Variants in SLC2A5 observed in about 807,000 individuals in gnomAD.
SLC2A5 encodes solute carrier family 2, facilitated glucose transporter member 5.
In SLC2A5, 56 loss-of-function variants were observed where a neutral mutation model predicts 50.3. The ratio of observed to expected loss-of-function variants is 1.11; its 90% CI spans 0.90 to 1.39. SLC2A5 has a LOEUF of 1.39. Ranked by LOEUF, SLC2A5 falls within the 40% of genes most tolerant of loss-of-function variation. The probability of loss-of-function intolerance (pLI) is 0.00; values close to 1 mark genes in which losing one functional copy is unlikely to be tolerated. For synonymous variants in SLC2A5, 269 were observed against 281.9 expected (o/e 0.95, Z 0.46); for missense variants, 566 against 650.1 (o/e 0.87, Z 1.41).
chr1:9,061,423 G>A (rs1641941948), intron 1 of SLC2A5, among the ~76,000 whole-genome samples: 1 of 99,516 alleles, frequency 1.0e-5, no homozygotes, highest in Non-Finnish European at 2.1e-5. Context: ...GGCAACATAG[G>A]GAAATCCTGT....
At chr1:9,047,578 A>G in intron 4 of SLC2A5, 32 bp downstream of exon 4, 1 of 1,607,382 alleles carries the variant, frequency 6.2e-7, no homozygotes, top group Non-Finnish European at 8.5e-7. Context: ...GACGACCCTC[A>G]CAGAATGGCA....
At chr1:9,079,487 T>C (rs942069704) in intron 2 of SLC2A5, among the ~76,000 whole-genome samples, 3 of 152,166 alleles carry the variant, frequency 2.0e-5, no homozygotes, top group Non-Finnish European at 4.4e-5. Context: ...ATTTTTGATT[T>C]ATTTCTTTAT....
At chr1:9,067,568 G>T (rs953660556) in intron 1 of SLC2A5, among the ~76,000 whole-genome samples, 1 of 152,104 alleles carries the variant, frequency 6.6e-6, no homozygotes, top group Non-Finnish European at 1.5e-5. Flanking sequence ...CATCACCTCC[G>T]TTTCTTTTCT....
At position 9,039,905 on chromosome 1, in the gene SLC2A5, C is replaced by G. The variant is rs1488557990; in HGVS notation, c.780G>C (p.Ala260=). The G allele has an allele frequency of 1.2e-6, 2 of 1,612,872 alleles. No individual in the cohort carries two copies. Among genetic ancestry groups the G allele is most frequent in the Non-Finnish European group, 1.7e-6 (2 of 1,179,860 alleles). ...ACAGCTTCAGCACGGAGATGAAGCC[C>G]GCGGCCTTCTCTGCCTCATCCTCCT... ...IRQEDEAEKA[A]GFISVLKLFR... is the part of the protein sequence containing the mutation. The change falls in exon 7 of 12, where the codon GCG becomes GCC. Residue 260 remains alanine, a synonymous_variant. Transcript: ENST00000377424.
At chr1:9,071,674 CG>C (rs1642213890), upstream of SLC2A5, 1 of 152,282 alleles carries the variant, frequency 6.6e-6, no homozygotes, top group Admixed American at 6.5e-5. Flanking sequence ...CCGCAGTACC[CG>C]GTTCCTGCCA....
chr1:9,070,655 T>C (rs3753272), upstream of SLC2A5, among the ~76,000 whole-genome samples: 2,236 of 152,258 alleles, frequency 0.015, 28 homozygotes, highest in South Asian at 0.051. Context: ...TTACAGAACA[T>C]ACTCCCAGTT....
At chr1:9,059,536 C>CTTTTTTT (rs58395185) in intron 1 of SLC2A5, among the ~76,000 whole-genome samples, 2,693 of 98,322 alleles carry the variant, frequency 0.027, 241 homozygotes, top group African/African-American at 0.052. Flanking sequence ...TACAGAGAAT[C>CTTTTTTT]TTTTTTTTTT....
chr1:9,048,517 AT>A (rs1449771638), intron 3 of SLC2A5, among the ~76,000 whole-genome samples: 1 of 152,150 alleles, frequency 6.6e-6, no homozygotes, highest in Non-Finnish European at 1.5e-5. Context: ...ACCTCAAAAA[AT>A]AAATAAATAA....
Position 9,078,690 on chromosome 1 carries a change from T to C in SLC2A5, c.-59+6324A>G, listed in dbSNP as rs150830410. Among the ~76,000 whole-genome samples, 911 of 152,324 alleles carry C rather than the reference T, an allele frequency of 6.0e-3. 6 individuals are homozygous for C. Among genetic ancestry groups the C allele is most frequent in the African/African-American group, 0.021 (854 of 41,564 alleles). On this transcript the variant is annotated intron_variant, in intron 2 of 5. Transcript: ENST00000464985. The stretch of plus-strand genomic sequence containing the variant: ...CCACACTACATTGTTCTTTGTACCA[T>C]GAATTCCAAAACCCTGAAGAAAATG...
At chr1:9,093,881 G>A in the SLC2A5 span, among the ~76,000 whole-genome samples, 1 of 152,112 alleles carries the variant, frequency 6.6e-6, no homozygotes, top group Non-Finnish European at 1.5e-5. Flanking sequence ...ACTCCAAAAA[G>A]GAGCTTCGTT....
intron 3 of SLC2A5, among the ~76,000 whole-genome samples, chr1:9,050,624 C>T (rs562493869): frequency 4.5e-4 from 69 of 151,964 alleles, no homozygotes; most frequent in African/African-American, 1.4e-3. Context: ...TAGAAGATAG[C>T]TTAGGAAAAA....
rs754664572 is a variant in SLC2A5, at chr1:9,039,586, G to A, written c.962C>T (p.Thr321Ile). Residue 321 changes from threonine to isoleucine, a missense_variant, in exon 8 of 12, where the codon ACC becomes ATC. Thr to Ile is a moderately conservative substitution (Grantham distance 89). Transcript: ENST00000377424. ...EEHVQYVTAG[T>I]GAVNVVMTFC... ...GGTCATGACCACGTTCACGGCCCCG[G>A]TGCCGGCCGTCACGTACTGCACGTG... 1.9e-6 allele frequency: 3 copies of A among 1,575,752 alleles called. No homozygotes were observed. Among genetic ancestry groups the A allele is most frequent in the Non-Finnish European group, 2.6e-6 (3 of 1,161,758 alleles).
intron 3 of SLC2A5, among the ~76,000 whole-genome samples, chr1:9,056,861 A>AC (rs1481406994): frequency 6.6e-6 from 1 of 152,190 alleles, no homozygotes; most frequent in African/African-American, 2.4e-5. Flanking sequence ...CTGGGTCTCC[A>AC]CAAGCACACA....
intron 2 of SLC2A5, among the ~76,000 whole-genome samples, chr1:9,080,651 A>G (rs557188541): frequency 1.3e-5 from 2 of 152,228 alleles, no homozygotes; most frequent in Non-Finnish European, 2.9e-5. Context: ...TGTCTATTCA[A>G]GTTCTTTCCT....
At chr1:9,038,751 G>A (rs1206101815) in intron 9 of SLC2A5, 77 bp downstream of exon 9, 2 of 1,492,182 alleles carry the variant, frequency 1.3e-6, no homozygotes, top group East Asian at 5.0e-5. Flanking sequence ...TTTTAAGGCA[G>A]GTGGAGGCGC....
In SLC2A5 at chr1:9,039,592, G is replaced by A; in HGVS notation, c.956C>T (p.Ala319Val). The A allele has an allele frequency of 6.3e-7, 1 of 1,575,724 alleles. No homozygotes were observed. Among genetic ancestry groups the A allele is most frequent in the East Asian group, 2.4e-5 (1 of 42,174 alleles). Residue 319 changes from alanine (A) to valine (V), a missense_variant, in exon 8 of 12, where the codon GCC becomes GTC. Coordinates refer to ENST00000377424, the MANE Select transcript of SLC2A5 (RefSeq NM_003039.3). ...VPEEHVQYVT[A>V]GTGAVNVVMT... ...GACCACGTTCACGGCCCCGGTGCCG[G>A]CCGTCACGTACTGCACGTGCTCCTC...
In SLC2A5 at chr1:9,037,718, C is replaced by T; in HGVS notation, c.1374G>A (p.Leu458=). The T allele has an allele frequency of 6.2e-7, 1 of 1,614,154 alleles. No homozygotes were observed. Among genetic ancestry groups the T allele is most frequent in the Non-Finnish European group, 8.5e-7 (1 of 1,180,032 alleles). ...TCTTGGCCTTGGTCTCCGGGACAATCAAGAAGATGTAGATGGTGGTGAGGA... is the reference window on the plus strand; with the variant it reads ...TCTTGGCCTTGGTCTCCGGGACAATTAAGAAGATGTAGATGGTGGTGAGGA... ...ICLLTTIYIF[L]IVPETKAKTF... is the part of the protein sequence containing the mutation. The change falls in exon 12 of 12, where the codon TTG becomes TTA. Residue 458 remains leucine, a synonymous_variant. Transcript: ENST00000377424.
At position 9,038,041 on chromosome 1, in the gene SLC2A5, G is replaced by A. The variant is rs538469665; in HGVS notation, c.1175-17C>T. On this transcript the variant is annotated splice_polypyrimidine_tract_variant and intron_variant, in intron 10 of 11. Coordinates refer to ENST00000377424, the MANE Select transcript of SLC2A5 (RefSeq NM_003039.3). ...GTATGGGACCTGTAGGGGGAGGAGA[G>A]CAGCCTCCCTGAAGGCAGAGCGGGC... The A allele has an allele frequency of 6.0e-5, 96 of 1,612,966 alleles. No homozygotes were observed. In the South Asian group the frequency reaches 1.0e-3, roughly 17 times the overall value.
At chr1:9,070,836 CTG>C (rs111643348), upstream of SLC2A5, among the ~76,000 whole-genome samples, 13 of 149,812 alleles carry the variant, frequency 8.7e-5, no homozygotes, top group Non-Finnish European at 1.2e-4. Context: ...GCGTGGCCGT[CTG>C]TGTGTGTGTG....
Sources: allele counts gnomAD v4.1 joint callset (sites outside exome capture counted in the v4.1 genomes callset), GRCh38; gene constraint gnomAD v4.1.1; transcripts MANE v1.5; gene names NCBI Gene and HGNC (gene_info 2026-07-23, HGNC 2026-07-21).